The following CDH13 variants were observed in gnomAD, a reference collection of about 807,000 sequenced individuals.
CDH13 encodes cadherin-13.
Under a neutral mutation model 63.8 loss-of-function variants are expected in CDH13, and 24 were observed. The observed-to-expected ratio is 0.38, with a 90% CI of 0.27 to 0.53. CDH13 has a LOEUF of 0.53. CDH13 is among the 20% of genes least tolerant of loss of function. The pLI, the probability that CDH13 is intolerant of heterozygous loss-of-function variation, is 0.85. For synonymous variants in CDH13, 503 were observed against 355.3 expected (o/e 1.42, Z -4.67); for missense variants, 1,049 against 903.1 (o/e 1.16, Z -2.07).
intron 4 of CDH13, among the ~76,000 whole-genome samples, chr16:83,182,840 C>G (rs1229288150): frequency 2.0e-5 from 3 of 152,166 alleles, no homozygotes; most frequent in Non-Finnish European, 1.5e-5. Flanking sequence ...AAAAATGTCT[C>G]TTTACTTTGT....
At chr16:83,526,884 C>T (rs1224807378) in intron 7 of CDH13, among the ~76,000 whole-genome samples, 2 of 152,142 alleles carry the variant, frequency 1.3e-5, no homozygotes, top group Non-Finnish European at 1.5e-5. Flanking sequence ...GTAATCCCAG[C>T]ACTTTGGGAG....
At chr16:82,948,926 G>C (rs1905017348) in intron 2 of CDH13, among the ~76,000 whole-genome samples, 1 of 152,150 alleles carries the variant, frequency 6.6e-6, no homozygotes, top group Non-Finnish European at 1.5e-5. Context: ...TATATATCTG[G>C]TCCAGACCTT....
At position 83,780,218 on chromosome 16, in the gene CDH13, C is replaced by A. The variant is rs761693246; in HGVS notation, c.1915+17C>A. On this transcript the variant is annotated intron_variant, in intron 12 of 13. Coordinates refer to ENST00000567109, the MANE Select transcript of CDH13 (RefSeq NM_001257.5). ...AGATCAACAGTAAGTCTGGCTAAAG[C>A]ATTTCTGCCTATTCTTCCAGCTTTC... The A allele has an allele frequency of 2.7e-6, 4 of 1,478,762 alleles. No individual in the cohort carries two copies. The highest frequency in any genetic ancestry group is 3.7e-6 in the Non-Finnish European group (4 of 1,073,954). 91.6% of individuals were successfully genotyped at this position (1,478,762 alleles called of 1,614,324 possible).
intron 10 of CDH13, among the ~76,000 whole-genome samples, chr16:83,680,185 T>A (rs1598465798): frequency 6.6e-6 from 1 of 152,176 alleles, no homozygotes; most frequent in Admixed American, 6.5e-5. Flanking sequence ...CAGTTCAGGA[T>A]CTCACAGTGA....
At chr16:83,460,601 A>G (rs1219590765) in intron 6 of CDH13, among the ~76,000 whole-genome samples, 2 of 152,146 alleles carry the variant, frequency 1.3e-5, no homozygotes, top group African/African-American at 4.8e-5. Flanking sequence ...CAAACAGATG[A>G]TTTCATTTAT....
intron 3 of CDH13, 64 bp downstream of exon 3, chr16:83,032,282 G>C (rs1916436666): frequency 8.1e-7 from 1 of 1,239,862 alleles, no homozygotes; most frequent in Non-Finnish European, 1.2e-6. Context: ...TGTCTTATGT[G>C]GAAAATGGGT....
intron 2 of CDH13, among the ~76,000 whole-genome samples, chr16:82,901,364 G>GTGTC (rs201521696): frequency 6.9e-6 from 1 of 145,954 alleles, no homozygotes; most frequent in African/African-American, 2.5e-5. Context: ...GTGTGTGTGT[G>GTGTC]TGTCTGATGA....
At chr16:83,086,712 C>T (rs547720524) in intron 3 of CDH13, among the ~76,000 whole-genome samples, 12 of 152,300 alleles carry the variant, frequency 7.9e-5, no homozygotes, top group African/African-American at 2.6e-4. Flanking sequence ...TGCACACCAC[C>T]AGTCTCAAAT....
intron 6 of CDH13, among the ~76,000 whole-genome samples, chr16:83,385,947 G>A (rs889715): frequency 0.34 from 51,496 of 152,020 alleles, 9,237 homozygotes; most frequent in South Asian, 0.44. Context: ...TCATAGTGCT[G>A]TGGAATATGA....
intron 2 of CDH13, among the ~76,000 whole-genome samples, chr16:82,861,434 G>C (rs975126427): frequency 1.3e-5 from 2 of 152,190 alleles, no homozygotes; most frequent in African/African-American, 4.8e-5. Context: ...GACAGACATA[G>C]TATATCTACC....
chr16:83,000,920 A>T (rs1314287217), intron 2 of CDH13, among the ~76,000 whole-genome samples: 2 of 152,076 alleles, frequency 1.3e-5, no homozygotes, highest in East Asian at 3.9e-4. Context: ...GGGACAGCTT[A>T]CTCATTCTAT....
intron 5 of CDH13, among the ~76,000 whole-genome samples, chr16:83,329,692 G>A (rs1233138454): frequency 6.6e-6 from 1 of 152,058 alleles, no homozygotes; most frequent in Non-Finnish European, 1.5e-5. Flanking sequence ...CCCCCTTTCT[G>A]TGTCCTTGAG....
chr16:83,277,062 C>G (rs1447915204), intron 5 of CDH13, among the ~76,000 whole-genome samples: 1 of 151,994 alleles, frequency 6.6e-6, no homozygotes, highest in Non-Finnish European at 1.5e-5. Context: ...TGTGGGAGTT[C>G]AAGATGAAAT....
chr16:82,787,917 T>C (rs2036099301), intron 1 of CDH13, among the ~76,000 whole-genome samples: 1 of 138,510 alleles, frequency 7.2e-6, no homozygotes, highest in Admixed American at 7.7e-5. Flanking sequence ...ATCCAAAGGC[T>C]GACTCACAAC....
intron 8 of CDH13, among the ~76,000 whole-genome samples, chr16:83,622,780 G>A (rs1909932892): frequency 6.6e-6 from 1 of 152,220 alleles, no homozygotes; most frequent in African/African-American, 2.4e-5. Flanking sequence ...AAGTTCACCA[G>A]TCTCTGTGAA....
At chr16:82,637,852 A>G (rs1241615587) in intron 1 of CDH13, 5 of 152,230 alleles carry the variant, frequency 3.3e-5, no homozygotes, top group Non-Finnish European at 7.3e-5. Flanking sequence ...GGGCGAGTCC[A>G]CCTGGGGCCC....
intron 1 of CDH13, among the ~76,000 whole-genome samples, chr16:82,808,207 C>G (rs2037251203): frequency 6.6e-6 from 1 of 152,122 alleles, no homozygotes; most frequent in African/African-American, 2.4e-5. Flanking sequence ...TTGTGCTCTT[C>G]CTAATTTTTT....
intron 2 of CDH13, among the ~76,000 whole-genome samples, chr16:82,883,004 A>G (rs186526149): frequency 1.3e-5 from 2 of 152,280 alleles, no homozygotes; most frequent in Admixed American, 1.3e-4. Flanking sequence ...GATTTGTCCT[A>G]TGAGAAAGTT....
chr16:83,667,449 A>C (rs1598439619), intron 8 of CDH13, among the ~76,000 whole-genome samples: 2 of 151,294 alleles, frequency 1.3e-5, no homozygotes, highest in African/African-American at 2.4e-5. Flanking sequence ...CCATCCATCC[A>C]CCCATCCGTC....
Sources: allele counts gnomAD v4.1 joint callset (sites outside exome capture counted in the v4.1 genomes callset), GRCh38; gene constraint gnomAD v4.1.1; transcripts MANE v1.5; gene names NCBI Gene and HGNC (gene_info 2026-07-23, HGNC 2026-07-21).